The following DLC1 variants were observed in gnomAD, a reference collection of about 807,000 sequenced individuals.
The protein encoded by DLC1 is DLC1 Rho GTPase activating protein, also known as rho GTPase-activating protein 7.
Under a neutral mutation model 140.3 loss-of-function variants are expected in DLC1, and 54 were observed. The observed-to-expected ratio is 0.38, with a 90% CI of 0.31 to 0.48. The LOEUF (loss-of-function observed/expected upper bound fraction) is 0.48, where lower values mean the gene tolerates loss of function less well. DLC1 is among the 20% of genes least tolerant of loss of function. The pLI, the probability that DLC1 is intolerant of heterozygous loss-of-function variation, is 0.96. For synonymous variants in DLC1, 986 were observed against 728.1 expected (o/e 1.35, Z -5.70); for missense variants, 2,536 against 1,907.0 (o/e 1.33, Z -6.14).
At position 13,085,706 on chromosome 8, in the gene DLC1, G is replaced by C. The variant is rs531400232; in HGVS notation, c.*105C>G. The stretch of plus-strand genomic sequence containing the variant: ...GTCAATTCCTACACTCCAGCTTGTA[G>C]TTTTCTTTGTTTCAGGATTAGACAC... On this transcript the variant is annotated 3_prime_UTR_variant, in exon 18 of 18. Coordinates refer to ENST00000276297, the MANE Select transcript of DLC1 (RefSeq NM_182643.3). The C allele has an allele frequency of 2.0e-6, 3 of 1,521,400 alleles. No individual in the cohort carries two copies. In the East Asian group the frequency reaches 6.8e-5, roughly 35 times the overall value. The allele number at this position is 1,521,400 out of a possible 1,614,324, so 94.2% of individuals were successfully genotyped here. A position where few individuals can be genotyped will look rare whatever the true frequency, so the allele number is the denominator to read the frequency against.
intron 5 of DLC1, among the ~76,000 whole-genome samples, chr8:13,154,466 CG>C (rs1824095193): frequency 6.6e-6 from 1 of 152,212 alleles, no homozygotes. Context: ...TGCCCAGGGC[CG>C]GCGGTGCCGG....
chr8:13,420,353 C>A (rs929649973), intron 2 of DLC1, among the ~76,000 whole-genome samples: 1 of 151,962 alleles, frequency 6.6e-6, no homozygotes, highest in East Asian at 1.9e-4. Flanking sequence ...TAGAGACTTA[C>A]GCTACAGTAA....
chr8:13,520,940 C>T (rs956554423), intron 1 of DLC1, among the ~76,000 whole-genome samples: 1 of 151,588 alleles, frequency 6.6e-6, no homozygotes, highest in Non-Finnish European at 1.5e-5. Flanking sequence ...AATTCATGGC[C>T]AAAAAAAGGG....
chr8:13,554,248 G>T (rs1803967522), intron 1 of DLC1, among the ~76,000 whole-genome samples: 1 of 152,070 alleles, frequency 6.6e-6, no homozygotes, highest in Non-Finnish European at 1.5e-5. Flanking sequence ...TGTACTTTTA[G>T]TAGAGATGGG....
In DLC1 at chr8:13,211,034, C is replaced by T. The variant is rs148091092; in HGVS notation, c.1348+94235G>A. Among the ~76,000 whole-genome samples, 15 of 152,122 alleles carry T rather than the reference C, an allele frequency of 9.9e-5. No individual in the cohort carries two copies. The East Asian group carries it at 2.9e-3, about 29-fold the overall frequency. ...GATGAGCAGGACTTGTTTTCAAGAC[C>T]CTCCTGATCTAAACAGGATGTGGCA... On this transcript the variant is annotated intron_variant, in intron 5 of 17. Transcript: ENST00000276297.
intron 1 of DLC1, among the ~76,000 whole-genome samples, chr8:13,539,021 T>A (rs957002099): frequency 1.3e-5 from 2 of 152,234 alleles, no homozygotes; most frequent in African/African-American, 4.8e-5. Flanking sequence ...TAAATTATTT[T>A]GATCTTCATA....
chr8:13,329,491 A>C (rs1002849039), intron 4 of DLC1, among the ~76,000 whole-genome samples: 1 of 152,146 alleles, frequency 6.6e-6, no homozygotes, highest in Non-Finnish European at 1.5e-5. Flanking sequence ...TATATATGGT[A>C]AATTCTATCA....
At chr8:13,532,690 A>G (rs1043713743) in intron 1 of DLC1, among the ~76,000 whole-genome samples, 1 of 152,124 alleles carries the variant, frequency 6.6e-6, no homozygotes, top group Admixed American at 6.5e-5. Flanking sequence ...TCTTGGGCTC[A>G]AGTAACCTCC....
chr8:13,588,476 T>C (rs1805407366), intron 1 of DLC1, among the ~76,000 whole-genome samples: 1 of 152,102 alleles, frequency 6.6e-6, no homozygotes, highest in East Asian at 1.9e-4. Context: ...CAGAATATTA[T>C]CATTGCCATG....
chr8:13,092,167 C>T (rs1459341911), intron 13 of DLC1, among the ~76,000 whole-genome samples: 1 of 152,310 alleles, frequency 6.6e-6, no homozygotes, highest in East Asian at 1.9e-4. Context: ...ATGGCTTGAA[C>T]CTGGAAGGCA....
chr8:13,413,372 A>G (rs1341549172), intron 2 of DLC1, among the ~76,000 whole-genome samples: 2 of 149,176 alleles, frequency 1.3e-5, no homozygotes, highest in Admixed American at 1.4e-4. Flanking sequence ...AAAAGATTGA[A>G]CACCCCTGCT....
intron 5 of DLC1, among the ~76,000 whole-genome samples, chr8:13,269,379 C>T (rs1479317990): frequency 6.6e-6 from 1 of 152,048 alleles, no homozygotes; most frequent in Admixed American, 6.6e-5. Context: ...AATGGAAATC[C>T]ATCATCATCA....
At chr8:13,364,035 G>T (rs989263557) in intron 4 of DLC1, among the ~76,000 whole-genome samples, 2 of 152,186 alleles carry the variant, frequency 1.3e-5, no homozygotes, top group Admixed American at 1.3e-4. Context: ...GGGTGTGTGT[G>T]TATGTGTGTG....
chr8:13,195,601 C>G (rs751229851), intron 5 of DLC1, among the ~76,000 whole-genome samples: 3 of 152,156 alleles, frequency 2.0e-5, no homozygotes, highest in Non-Finnish European at 4.4e-5. Flanking sequence ...AGAAGGAGAA[C>G]TAAATTTGTT....
chr8:13,409,728 C>A (rs770601169), intron 2 of DLC1, among the ~76,000 whole-genome samples: 2 of 152,120 alleles, frequency 1.3e-5, no homozygotes, highest in African/African-American at 2.4e-5. Context: ...AGGCTTGTTT[C>A]TTTGAATGAA....
intron 1 of DLC1, among the ~76,000 whole-genome samples, chr8:13,594,310 A>G (rs1805617174): frequency 6.6e-6 from 1 of 152,118 alleles, no homozygotes. Context: ...TGAGACACTG[A>G]CAGACCTTTC....
intron 2 of DLC1, among the ~76,000 whole-genome samples, chr8:13,410,283 T>C (rs1335877890): frequency 6.6e-6 from 1 of 152,086 alleles, no homozygotes; most frequent in Non-Finnish European, 1.5e-5. Flanking sequence ...TTGAGGATAA[T>C]GAGGAAACAC....
chr8:13,567,510 G>A (rs945374415), intron 1 of DLC1: 41 of 1,551,884 alleles, frequency 2.6e-5, no homozygotes, highest in Non-Finnish European at 3.5e-5. Flanking sequence ...ATGAACTTTT[G>A]AACAGAATCT....
chr8:13,485,135 C>T (rs1038357027), intron 2 of DLC1, among the ~76,000 whole-genome samples: 2 of 152,274 alleles, frequency 1.3e-5, no homozygotes, highest in African/African-American at 2.4e-5. Context: ...GGCTTCGTAG[C>T]TCCTTTATAC....
Sources: allele counts gnomAD v4.1 joint callset (sites outside exome capture counted in the v4.1 genomes callset), GRCh38; gene constraint gnomAD v4.1.1; transcripts MANE v1.5; gene names NCBI Gene and HGNC (gene_info 2026-07-23, HGNC 2026-07-21).